CC2D2B: variants seen among roughly 807,000 people sequenced by gnomAD.
The protein encoded by CC2D2B is protein CC2D2B.
Under a neutral mutation model 161.2 loss-of-function variants are expected in CC2D2B, and 128 were observed. The observed-to-expected ratio is 0.79, with a 90% CI of 0.69 to 0.92. CC2D2B has a LOEUF of 0.92. Among genes scored for constraint, CC2D2B ranks in the 40% least tolerant of loss-of-function variants. The pLI is 0.00. For synonymous variants in CC2D2B, 391 were observed against 449.8 expected, an observed-to-expected ratio of 0.87 and a Z score of 1.65; for missense variants, 1,173 against 1,375.1, an observed-to-expected ratio of 0.85 and a Z score of 2.32.
chr10:95,995,008 CT>C (rs1267012668), intron 22 of CC2D2B, among the ~76,000 whole-genome samples: 3 of 152,126 alleles, frequency 2.0e-5, no homozygotes, highest in Admixed American at 6.5e-5. Context: ...TTTTCTTCCC[CT>C]TTTTCTGAAT....
chr10:95,986,412 T>C (rs1331269420), intron 19 of CC2D2B, among the ~76,000 whole-genome samples: 1 of 151,362 alleles, frequency 6.6e-6, no homozygotes, highest in Non-Finnish European at 1.5e-5. Flanking sequence ...CATTAACTGG[T>C]TCTGGAATTG....
intron 2 of CC2D2B, among the ~76,000 whole-genome samples, chr10:95,917,541 A>G (rs755199242): frequency 4.0e-5 from 6 of 151,716 alleles, no homozygotes; most frequent in Non-Finnish European, 8.8e-5. Context: ...TCCTTGCTTT[A>G]TATTTTTTGT....
At chr10:95,977,379 A>G (rs189180170) in intron 17 of CC2D2B, among the ~76,000 whole-genome samples, 14 of 152,302 alleles carry the variant, frequency 9.2e-5, no homozygotes, top group African/African-American at 3.1e-4. Flanking sequence ...GTCTCAATAA[A>G]CAAACAAATC....
At chr10:95,978,560 TGAG>T (rs1267658399) in intron 17 of CC2D2B, among the ~76,000 whole-genome samples, 3 of 152,194 alleles carry the variant, frequency 2.0e-5, no homozygotes, top group South Asian at 4.2e-4. Context: ...TTTTAAGAGA[TGAG>T]GAGGTCTTGC....
At position 95,938,156 on chromosome 10, in the gene CC2D2B, A is replaced by G; in HGVS notation, c.502A>G (p.Lys168Glu). 3 of 1,550,216 alleles carry G rather than the reference A, an allele frequency of 1.9e-6. No individual in the cohort carries two copies. The highest frequency in any genetic ancestry group is 2.6e-6 in the Non-Finnish European group (3 of 1,146,024). ...TGATCAAGAACAAATAAAAAAACAG[A>G]AGGCAAATATTTTTGTACCAAGTAG... ...EDDQEQIKKQ[K>E]ANIFVPSSSP... is the part of the protein sequence containing the mutation. The change falls in exon 7 of 35, where the codon AAG becomes GAG. Residue 168 changes from lysine (K) to glutamate (E), a missense_variant. Lys to Glu is a moderately conservative substitution (Grantham distance 56). Transcript: ENST00000646931.
chr10:95,914,264 C>T (rs188791664), intron 2 of CC2D2B, among the ~76,000 whole-genome samples: 12 of 152,132 alleles, frequency 7.9e-5, no homozygotes, highest in Admixed American at 7.9e-4. Flanking sequence ...AAAATGATTT[C>T]ATTGTAGATG....
chr10:95,923,801 G>A (rs2098532816), intron 3 of CC2D2B, among the ~76,000 whole-genome samples: 1 of 152,094 alleles, frequency 6.6e-6, no homozygotes, highest in Non-Finnish European at 1.5e-5. Flanking sequence ...GATCACCTGA[G>A]GTCAGGAGTT....
intron 19 of CC2D2B, among the ~76,000 whole-genome samples, chr10:95,986,200 C>CG (rs2077712934): frequency 6.7e-6 from 1 of 149,386 alleles, no homozygotes; most frequent in Non-Finnish European, 1.5e-5. Flanking sequence ...TTTTACGGCT[C>CG]GGGGGGCATC....
intron 12 of CC2D2B, among the ~76,000 whole-genome samples, chr10:95,962,605 C>A (rs962924758): frequency 1.3e-5 from 2 of 152,146 alleles, no homozygotes; most frequent in African/African-American, 4.8e-5. Flanking sequence ...CAAACCCAAA[C>A]ACTTAAGCTG....
At chr10:95,994,661 C>G (rs2078159523) in intron 22 of CC2D2B, among the ~76,000 whole-genome samples, 1 of 152,228 alleles carries the variant, frequency 6.6e-6, no homozygotes, top group Non-Finnish European at 1.5e-5. Flanking sequence ...TCAAGCGGCC[C>G]TTATGCGGGT....
At position 95,949,953 on chromosome 10, in the gene CC2D2B, A is replaced by G; in HGVS notation, c.859A>G (p.Ile287Val). 2.5e-6 allele frequency: 1 copy of G among 398,786 alleles called. No individual in the cohort carries two copies. The allele number at this position is 398,786 out of a possible 1,614,324, so 24.7% of individuals were successfully genotyped here. ...GAACAAAATGGAAGGTTCAAGGGAA[A>G]TATACCAGTTAGACCTCAACATTGT... is the stretch of plus-strand genomic sequence containing the variant. ...FMNKMEGSREIYQLDLNIVGL... is the reference protein window; with the variant it reads ...FMNKMEGSREVYQLDLNIVGL... Residue 287 changes from isoleucine to valine, a missense_variant, in exon 10 of 35, where the codon ATA becomes GTA. By Grantham distance (29) the Ile-to-Val change is conservative. This residue lies in a region of CC2D2B where 298 missense variants were observed against 261.2 expected (regional missense o/e 1.14). Transcript: ENST00000646931.
intron 6 of CC2D2B, among the ~76,000 whole-genome samples, chr10:95,934,533 C>G (rs2141247235): frequency 6.6e-6 from 1 of 152,304 alleles, no homozygotes; most frequent in East Asian, 1.9e-4. Flanking sequence ...ACCCAGGGCC[C>G]TGGTGACGTA....
intron 25 of CC2D2B, among the ~76,000 whole-genome samples, chr10:96,008,115 A>G (rs914546173): frequency 3.4e-5 from 5 of 149,214 alleles, no homozygotes; most frequent in Admixed American, 6.7e-5. Context: ...TTCTGTCACT[A>G]TCGTTTCTAT....
At chr10:96,013,716 G>C (rs1012660459) in intron 28 of CC2D2B, 72 bp from the exon 29 acceptor site, 2 of 788,128 alleles carry the variant, frequency 2.5e-6, no homozygotes, top group Admixed American at 2.2e-5. Context: ...CTAAATGAGA[G>C]AGTGCATGTA....
rs191403734 is a variant in CC2D2B at position 96,016,997 on chromosome 10, C to T, written c.3630+683C>T. 9.2e-5 allele frequency among the ~76,000 whole-genome samples: 14 copies of T among 152,320 alleles called. No homozygotes were observed. In the East Asian group the frequency reaches 1.7e-3, roughly 19 times the overall value. ...TCTCCCAAAGTGCTGGGATTACAGGCATGAGCCACTGTGCCCAGCCCATCA... is the reference window on the plus strand; with the variant it reads ...TCTCCCAAAGTGCTGGGATTACAGGTATGAGCCACTGTGCCCAGCCCATCA... On this transcript the variant is annotated intron_variant, in intron 30 of 34. Transcript: ENST00000646931.
chr10:95,927,706 CTTT>C (rs200310434), intron 6 of CC2D2B, among the ~76,000 whole-genome samples: 1 of 143,442 alleles, frequency 7.0e-6, no homozygotes, highest in Non-Finnish European at 1.5e-5. Context: ...TTCTTTCTTT[CTTT>C]TTTTTTTTTT....
chr10:95,907,953 CTGGCGCAGGGT>C (rs1182420400), upstream of CC2D2B: 4 of 152,412 alleles, frequency 2.6e-5, no homozygotes. Context: ...CGCCGTAGGG[CTGGCGCAGGGT>C]GCGGTGGGGC....
At chr10:95,943,251 T>G (rs1167671365) in intron 9 of CC2D2B, among the ~76,000 whole-genome samples, 1 of 152,216 alleles carries the variant, frequency 6.6e-6, no homozygotes, top group Admixed American at 6.6e-5. Flanking sequence ...TGTTGGCTCT[T>G]TTGGACTCTT....
In CC2D2B at chr10:95,961,895, A is replaced by C. The variant is rs75185560; in HGVS notation, c.1176A>C (p.Arg392=). 1.1e-3 allele frequency: 1,295 copies of C among 1,231,484 alleles called. 8 individuals carry two copies. The African/African-American group carries it at 0.018, about 18-fold the overall frequency. The allele number at this position is 1,231,484 out of a possible 1,614,324, so 76.3% of individuals were successfully genotyped here. A position where few individuals can be genotyped will look rare whatever the true frequency, so the allele number is the denominator to read the frequency against. The part of the protein sequence containing the change: ...KDLSLLHSIL[R]TWKQIKSLRH... ...TCTCCCTACTACACAGTATATTACG[A>C]ACTTGGAAACAGATTAAATCTCTTC... Residue 392 remains arginine (R), a synonymous_variant, in exon 12 of 35, where the codon CGA becomes CGC. Coordinates refer to ENST00000646931, the MANE Select transcript of CC2D2B (RefSeq NM_001349008.3).
Sources: allele counts gnomAD v4.1 joint callset (sites outside exome capture counted in the v4.1 genomes callset), GRCh38; gene constraint gnomAD v4.1.1; regional missense constraint gnomAD v4.1.1; transcripts MANE v1.5; gene names NCBI Gene and HGNC (gene_info 2026-07-23, HGNC 2026-07-21).